Variants in DMXL1 observed in about 807,000 individuals in gnomAD.
The protein encoded by DMXL1 is dmX-like protein 1.
Under a neutral mutation model 319.2 loss-of-function variants are expected in DMXL1, and 99 were observed. The observed-to-expected ratio is 0.31, with a 90% CI of 0.26 to 0.37. The LOEUF (loss-of-function observed/expected upper bound fraction) is 0.37. Ranked by LOEUF, DMXL1 falls within the 10% of genes least tolerant of loss-of-function variation. The pLI is 1.00. For missense variants in DMXL1, 3,745 were observed against 3,595.6 expected (o/e 1.04, Z -1.06); for synonymous variants, 1,385 against 1,235.2 (o/e 1.12, Z -2.54).
At chr5:119,117,083 C>T (rs933577149) in intron 7 of DMXL1, among the ~76,000 whole-genome samples, 7 of 152,080 alleles carry the variant, frequency 4.6e-5, no homozygotes, top group East Asian at 3.8e-4. Flanking sequence ...GACTGGAGTG[C>T]GGTGCCCCAG....
At chr5:119,125,681 C>T (rs1763379729) in intron 9 of DMXL1, among the ~76,000 whole-genome samples, 2 of 152,122 alleles carry the variant, frequency 1.3e-5, no homozygotes, top group African/African-American at 4.8e-5. Context: ...TCTCCTGCCT[C>T]TGCCTCCCAA....
At chr5:119,089,191 A>G (rs1754031804) in intron 1 of DMXL1, among the ~76,000 whole-genome samples, 1 of 142,992 alleles carries the variant, frequency 7.0e-6, no homozygotes, top group African/African-American at 2.6e-5. Context: ...AGTGTCATCT[A>G]GCTCCCTCCT....
chr5:119,152,628 A>G (rs977275286), intron 19 of DMXL1, among the ~76,000 whole-genome samples: 1 of 152,218 alleles, frequency 6.6e-6, no homozygotes, highest in African/African-American at 2.4e-5. Flanking sequence ...AACGTAATAG[A>G]TTCTTATTAA....
intron 5 of DMXL1, 81 bp from the exon 6 acceptor site, chr5:119,114,394 G>C (rs1435371215): frequency 2.0e-6 from 2 of 994,502 alleles, no homozygotes; most frequent in Non-Finnish European, 3.1e-6. Flanking sequence ...TGAACCAATT[G>C]CTGATTTATA....
At chr5:119,177,221 G>T in intron 26 of DMXL1, 136 bp from the exon 27 acceptor site, 1 of 503,730 alleles carries the variant, frequency 2.0e-6, no homozygotes, top group East Asian at 3.4e-5. Flanking sequence ...TATAGCACTA[G>T]ACTGTACATT....
intron 10 of DMXL1, among the ~76,000 whole-genome samples, chr5:119,131,373 G>T (rs574842080): frequency 3.9e-5 from 6 of 151,978 alleles, no homozygotes; most frequent in African/African-American, 1.4e-4. Context: ...TGTTACTAAG[G>T]TGTTGAAGGA....
At chr5:119,072,166 C>T (rs1749745583) in intron 1 of DMXL1, among the ~76,000 whole-genome samples, 1 of 151,812 alleles carries the variant, frequency 6.6e-6, no homozygotes, top group African/African-American at 2.4e-5. Context: ...TTTCTAATTC[C>T]CTGAGAAATA....
intron 38 of DMXL1, among the ~76,000 whole-genome samples, chr5:119,230,605 G>A (rs1257318208): frequency 3.3e-5 from 5 of 152,138 alleles, no homozygotes; most frequent in Non-Finnish European, 5.9e-5. Flanking sequence ...TATCTGGGCC[G>A]GGCACAGTGG....
At chr5:119,152,373 C>A (rs1400279311) in intron 19 of DMXL1, among the ~76,000 whole-genome samples, 1 of 151,846 alleles carries the variant, frequency 6.6e-6, no homozygotes. Context: ...TGACATTTAT[C>A]TAAATTCAGT....
Position 119,150,377 on chromosome 5 carries a change from C to T in DMXL1, c.4550C>T (p.Ala1517Val). ...MSLMALADTIATTSTDIGESR... is the reference protein window; with the variant it reads ...MSLMALADTIVTTSTDIGESR... Reference sequence around the variant, plus strand: ...TTGATGGCCTTAGCAGATACAATTGCAACTACAAGCACTGATATTGGAGAA... The same window carrying T: ...TTGATGGCCTTAGCAGATACAATTGTAACTACAAGCACTGATATTGGAGAA... The change falls in exon 18 of 44, where the codon GCA becomes GTA. Residue 1517 changes from alanine (A) to valine (V), a missense_variant. Ala to Val is a moderately conservative substitution (Grantham distance 64). Transcript: ENST00000539542. 1.2e-6 allele frequency: 2 copies of T among 1,613,596 alleles called. No homozygotes were observed. The highest frequency in any genetic ancestry group is 2.7e-5 in the African/African-American group (2 of 74,978).
chr5:119,095,321 G>A (rs890834008), intron 1 of DMXL1, among the ~76,000 whole-genome samples: 11 of 152,170 alleles, frequency 7.2e-5, no homozygotes, highest in African/African-American at 1.2e-4. Context: ...TGATGAAGTG[G>A]TAATTGTTAT....
intron 25 of DMXL1, among the ~76,000 whole-genome samples, chr5:119,173,776 G>GTGTGTGTGTATATATATATATATATATA: frequency 6.0e-5 from 4 of 67,170 alleles, no homozygotes; most frequent in African/African-American, 2.2e-4. Context: ...ATGTGTGTGT[G>GTGTGTGTGTATATATATATATATATATA]TATATATATA....
intron 1 of DMXL1, among the ~76,000 whole-genome samples, chr5:119,087,461 A>G (rs1033051081): frequency 6.6e-6 from 1 of 152,086 alleles, no homozygotes; most frequent in African/African-American, 2.4e-5. Flanking sequence ...ATATTTGTGA[A>G]GTTTCCAAGG....
At chr5:119,181,799 G>A (rs1417280189) in intron 28 of DMXL1, among the ~76,000 whole-genome samples, 4 of 151,996 alleles carry the variant, frequency 2.6e-5, no homozygotes, top group South Asian at 4.2e-4. Context: ...GCGACAGAGC[G>A]AGACTCCATC....
intron 40 of DMXL1, among the ~76,000 whole-genome samples, chr5:119,238,686 A>T (rs1788200010): frequency 6.6e-6 from 1 of 152,304 alleles, no homozygotes; most frequent in East Asian, 1.9e-4. Flanking sequence ...ACGGGTCATG[A>T]TATATGCAGC....
chr5:119,154,317 C>T (rs999616023), intron 19 of DMXL1, among the ~76,000 whole-genome samples: 1 of 152,192 alleles, frequency 6.6e-6, no homozygotes, highest in Non-Finnish European at 1.5e-5. Flanking sequence ...GCCTCTTGTG[C>T]CAAACAGTTT....
chr5:119,145,501 A>G (rs964581127), intron 15 of DMXL1, among the ~76,000 whole-genome samples: 60 of 151,900 alleles, frequency 3.9e-4, no homozygotes, highest in African/African-American at 1.4e-3. Context: ...GGGATTAAAG[A>G]TATCAGGCGT....
chr5:119,207,640 T>A (rs1258798295), intron 34 of DMXL1, among the ~76,000 whole-genome samples: 1 of 152,150 alleles, frequency 6.6e-6, no homozygotes, highest in East Asian at 1.9e-4. Context: ...TGCCTCAACC[T>A]CCCTAGTAGC....
intron 13 of DMXL1, among the ~76,000 whole-genome samples, chr5:119,135,190 T>C (rs1363396052): frequency 2.0e-5 from 3 of 152,204 alleles, no homozygotes; most frequent in Admixed American, 2.0e-4. Context: ...GGGGGTCTTC[T>C]ATTTATCAGG....
Sources: allele counts gnomAD v4.1 joint callset (sites outside exome capture counted in the v4.1 genomes callset), GRCh38; gene constraint gnomAD v4.1.1; transcripts MANE v1.5; gene names NCBI Gene and HGNC (gene_info 2026-07-23, HGNC 2026-07-21).